The following OR9Q1 variants were observed in gnomAD, a reference collection of about 807,000 sequenced individuals.
The protein encoded by OR9Q1 is olfactory receptor 9Q1.
For missense variants in OR9Q1, 374 were observed against 378.8 expected, an observed-to-expected ratio of 0.99 and a Z score of 0.11; for synonymous variants, 153 against 148.6, an observed-to-expected ratio of 1.03 and a Z score of -0.22.
At chr11:58,057,916 A>G (rs955354857) in intron 2 of OR9Q1, 12 of 152,202 alleles carry the variant, frequency 7.9e-5, no homozygotes, top group Admixed American at 7.9e-4. Flanking sequence ...TACCACGTAT[A>G]TATTATTATA....
At chr11:58,090,692 G>T (rs1260743653) in intron 2 of OR9Q1, among the ~76,000 whole-genome samples, 1 of 152,088 alleles carries the variant, frequency 6.6e-6, no homozygotes, top group East Asian at 1.9e-4. Flanking sequence ...TTTTTCTATT[G>T]TTTGGAATAG....
intron 2 of OR9Q1, among the ~76,000 whole-genome samples, chr11:58,083,188 A>G (rs1565071473): frequency 6.6e-6 from 1 of 152,048 alleles, no homozygotes; most frequent in Non-Finnish European, 1.5e-5. Context: ...ATTTTTGTAT[A>G]TGGTGTAAGG....
chr11:58,150,585 C>T (rs2119893787), intron 2 of OR9Q1, among the ~76,000 whole-genome samples: 1 of 152,292 alleles, frequency 6.6e-6, no homozygotes, highest in East Asian at 1.9e-4. Flanking sequence ...AAATTTCTAT[C>T]ACCTGTGGAT....
At chr11:58,086,681 A>C (rs573087558) in intron 2 of OR9Q1, among the ~76,000 whole-genome samples, 1 of 152,044 alleles carries the variant, frequency 6.6e-6, no homozygotes, top group Admixed American at 6.5e-5. Context: ...AGCCCTAAAA[A>C]AGAAAAATAA....
At chr11:58,042,370 C>G (rs1331100473) in intron 1 of OR9Q1, among the ~76,000 whole-genome samples, 21 of 151,938 alleles carry the variant, frequency 1.4e-4, no homozygotes, top group Non-Finnish European at 1.5e-5. Flanking sequence ...ATATGGCTAG[C>G]CAGTTTTCCC....
At chr11:58,031,952 C>G in intron 1 of OR9Q1, 1 of 1,119,148 alleles carries the variant, frequency 8.9e-7, no homozygotes. Flanking sequence ...TATTTAAAAA[C>G]AGGTTAGTCA....
intron 1 of OR9Q1, among the ~76,000 whole-genome samples, chr11:58,054,350 C>T (rs968448389): frequency 2.6e-5 from 4 of 152,154 alleles, no homozygotes; most frequent in African/African-American, 9.7e-5. Context: ...TAATAGAGCT[C>T]CTACCCGCCT....
intron 1 of OR9Q1, among the ~76,000 whole-genome samples, chr11:58,035,673 C>T (rs1038841949): frequency 1.3e-5 from 2 of 152,122 alleles, no homozygotes; most frequent in African/African-American, 4.8e-5. Context: ...CAATATGGTG[C>T]CCCTCATTGT....
chr11:58,137,824 C>T (rs1388458010), intron 2 of OR9Q1, among the ~76,000 whole-genome samples: 1 of 152,076 alleles, frequency 6.6e-6, no homozygotes, highest in African/African-American at 2.4e-5. Context: ...GTAAATGAGG[C>T]AGTTTATATA....
intron 2 of OR9Q1, among the ~76,000 whole-genome samples, chr11:58,120,034 C>A (rs1411513405): frequency 6.6e-6 from 1 of 152,144 alleles, no homozygotes; most frequent in Non-Finnish European, 1.5e-5. Flanking sequence ...TTCCGTCTTA[C>A]TATATAATTA....
chr11:58,146,744 T>G (rs1854302728), intron 2 of OR9Q1, among the ~76,000 whole-genome samples: 2 of 152,198 alleles, frequency 1.3e-5, no homozygotes. Flanking sequence ...GGAATAAGTA[T>G]GCCATAGTCA....
chr11:58,178,480 A>C (rs1471131858), intron 2 of OR9Q1, among the ~76,000 whole-genome samples: 6 of 152,218 alleles, frequency 3.9e-5, no homozygotes, highest in Non-Finnish European at 2.9e-5. Flanking sequence ...ATTTGGAAGA[A>C]GCAAATATAT....
At chr11:58,030,888 A>G in intron 1 of OR9Q1, 1 of 988,496 alleles carries the variant, frequency 1.0e-6, no homozygotes. Context: ...CTCCAACCTC[A>G]CAGGTTCTCT....
chr11:58,035,200 G>T (rs10792129), intron 1 of OR9Q1, among the ~76,000 whole-genome samples: 3 of 151,894 alleles, frequency 2.0e-5, no homozygotes, highest in South Asian at 2.1e-4. Flanking sequence ...CTAATTGCAA[G>T]GGTAGTAAAA....
intron 2 of OR9Q1, among the ~76,000 whole-genome samples, chr11:58,140,035 AATG>A (rs1854230862): frequency 6.6e-6 from 1 of 152,160 alleles, no homozygotes; most frequent in African/African-American, 2.4e-5. Context: ...TCTGATGGCC[AATG>A]ATGATGAGCA....
At chr11:58,055,544 A>G (rs1054912236) in intron 1 of OR9Q1, among the ~76,000 whole-genome samples, 15 of 152,068 alleles carry the variant, frequency 9.9e-5, no homozygotes, top group Non-Finnish European at 1.6e-4. Context: ...TACGTCTGTA[A>G]TCCCAGCACT....
At position 58,181,564 on chromosome 11, in the gene OR9Q1, T is replaced by TAAAAA. The variant is rs753893952; in HGVS notation, c.*1206_*1210dup. 2 of 74,934 alleles carry TAAAAA rather than the reference T, an allele frequency of 2.7e-5. No homozygotes were observed. Among genetic ancestry groups the TAAAAA allele is most frequent in the African/African-American group, 9.5e-5 (2 of 20,956 alleles). 4.6% of individuals were successfully genotyped at this position (74,934 alleles called of 1,614,324 possible). ...CTTCTTTTCCTGTCTCCTGGATTAC[T>TAAAAA]AAAAAAAAAAAAAAAAAAAAAAATC... is the stretch of plus-strand genomic sequence containing the variant. On this transcript the variant is annotated 3_prime_UTR_variant, in exon 3 of 3. Coordinates refer to ENST00000335397, the MANE Select transcript of OR9Q1 (RefSeq NM_001005212.4).
At chr11:58,158,135 T>G (rs1854424860) in intron 2 of OR9Q1, among the ~76,000 whole-genome samples, 1 of 152,208 alleles carries the variant, frequency 6.6e-6, no homozygotes, top group African/African-American at 2.4e-5. Flanking sequence ...CTCTGGGGTA[T>G]CAGGGTCCAA....
chr11:58,043,539 C>G (rs1853187149), intron 1 of OR9Q1, among the ~76,000 whole-genome samples: 1 of 152,178 alleles, frequency 6.6e-6, no homozygotes, highest in Non-Finnish European at 1.5e-5. Flanking sequence ...GATCTGACCA[C>G]CTGCTTCCTA....
Sources: gnomAD v4.1 joint callset for allele counts (sites outside exome capture counted in the v4.1 genomes callset) on GRCh38, gnomAD v4.1.1 for gene constraint, MANE v1.5 for transcripts, NCBI Gene and HGNC (gene_info 2026-07-23, HGNC 2026-07-21) for gene names.